ROBO2: variants seen among roughly 807,000 people sequenced by gnomAD.
ROBO2 encodes the protein roundabout homolog 2.
In ROBO2, 53 loss-of-function variants were observed where a neutral mutation model predicts 160.8. The ratio of observed to expected loss-of-function variants is 0.33; its 90% CI spans 0.26 to 0.41. The LOEUF (loss-of-function observed/expected upper bound fraction) is 0.41, where lower values mean the gene tolerates loss of function less well. ROBO2 is among the 10% of genes least tolerant of loss of function. ROBO2 has a pLI of 1.00. For synonymous variants in ROBO2, 664 were observed against 611.7 expected, an observed-to-expected ratio of 1.09 and a Z score of -1.26; for missense variants, 1,577 against 1,722.4, an observed-to-expected ratio of 0.92 and a Z score of 1.49.
chr3:76,425,015 A>G (rs6548428), intron 2 of ROBO2, among the ~76,000 whole-genome samples: 13,815 of 152,120 alleles, frequency 0.091, 1,889 homozygotes, highest in African/African-American at 0.29. Flanking sequence ...TAAATCAATA[A>G]TAACACAGCC....
intron 2 of ROBO2, among the ~76,000 whole-genome samples, chr3:76,579,224 T>C (rs570894064): frequency 2.0e-5 from 3 of 152,312 alleles, no homozygotes; most frequent in South Asian, 2.1e-4. Flanking sequence ...ATTGGCTTCT[T>C]GCTGGAACCA....
intron 2 of ROBO2, among the ~76,000 whole-genome samples, chr3:77,126,635 C>T (rs1303716318): frequency 6.6e-6 from 1 of 151,504 alleles, no homozygotes; most frequent in Non-Finnish European, 1.5e-5. Context: ...AGCATTAGTA[C>T]CCAAGGGAAC....
At chr3:75,906,954 ACT>A (rs1037718604) in exon 1 of ROBO2, 1 of 151,934 alleles carries the variant, frequency 6.6e-6, no homozygotes, top group African/African-American at 2.4e-5. Context: ...TCTAAACCTG[ACT>A]CCAGGTGAGT....
chr3:76,956,563 A>AG (rs1308155274), intron 2 of ROBO2, among the ~76,000 whole-genome samples: 2 of 151,620 alleles, frequency 1.3e-5, no homozygotes, highest in African/African-American at 2.4e-5. Flanking sequence ...TCTCAAAAAA[A>AG]AAAAAAAAGA....
intron 2 of ROBO2, among the ~76,000 whole-genome samples, chr3:77,472,303 G>T (rs1343587387): frequency 6.6e-6 from 1 of 152,098 alleles, no homozygotes; most frequent in East Asian, 1.9e-4. Flanking sequence ...CAGAACAAGG[G>T]TCTATCACAG....
intron 2 of ROBO2, among the ~76,000 whole-genome samples, chr3:76,834,062 T>TTTCCTTCCTTTCTTTCTTTCTTTC (rs368797764): frequency 6.8e-5 from 6 of 88,010 alleles, no homozygotes; most frequent in African/African-American, 2.7e-4. Context: ...CCTTTCTTTC[T>TTTCCTTCCTTTCTTTCTTTCTTTC]TTTCTTTCTT....
intron 2 of ROBO2, among the ~76,000 whole-genome samples, chr3:76,156,270 G>A (rs1339506464): frequency 6.6e-6 from 1 of 151,946 alleles, no homozygotes; most frequent in Non-Finnish European, 1.5e-5. Flanking sequence ...AAAGTAAGAG[G>A]AAGATTTCTT....
intron 2 of ROBO2, among the ~76,000 whole-genome samples, chr3:76,081,190 TA>T (rs1003489070): frequency 6.6e-6 from 1 of 152,014 alleles, no homozygotes; most frequent in Non-Finnish European, 1.5e-5. Flanking sequence ...CTATTCCATG[TA>T]CAAACTACAT....
At chr3:76,039,187 C>T (rs2067207205) in intron 2 of ROBO2, among the ~76,000 whole-genome samples, 1 of 151,920 alleles carries the variant, frequency 6.6e-6, no homozygotes, top group Non-Finnish European at 1.5e-5. Flanking sequence ...GTACAGTTTC[C>T]TGTCTTGGCT....
At chr3:75,907,463 T>G (rs1465046978) in intron 1 of ROBO2, among the ~76,000 whole-genome samples, 1 of 152,046 alleles carries the variant, frequency 6.6e-6, no homozygotes, top group Non-Finnish European at 1.5e-5. Flanking sequence ...CAGAGTAACT[T>G]CAGGTTCCTT....
intron 2 of ROBO2, among the ~76,000 whole-genome samples, chr3:76,629,385 A>C (rs577502651): frequency 6.6e-6 from 1 of 152,306 alleles, no homozygotes; most frequent in East Asian, 1.9e-4. Context: ...TCACATAATC[A>C]CAAGATGGGG....
intron 2 of ROBO2, among the ~76,000 whole-genome samples, chr3:76,261,204 A>AG (rs1559694673): frequency 1.4e-5 from 2 of 141,518 alleles, no homozygotes; most frequent in South Asian, 2.2e-4. Context: ...GTGTGTGTGT[A>AG]TATATATATA....
chr3:77,409,182 C>T (rs1313481610), intron 2 of ROBO2, among the ~76,000 whole-genome samples: 2 of 150,382 alleles, frequency 1.3e-5, no homozygotes, highest in Non-Finnish European at 3.0e-5. Context: ...GATTGCAGAA[C>T]AATTATATTG....
At chr3:76,889,188 C>G (rs569880769) in intron 2 of ROBO2, among the ~76,000 whole-genome samples, 2 of 152,296 alleles carry the variant, frequency 1.3e-5, no homozygotes, top group South Asian at 2.1e-4. Context: ...CCTAGCCAGA[C>G]TGATCACTGA....
At chr3:76,292,955 G>A (rs1253491747) in intron 2 of ROBO2, among the ~76,000 whole-genome samples, 1 of 148,256 alleles carries the variant, frequency 6.7e-6, no homozygotes, top group African/African-American at 2.6e-5. Flanking sequence ...ATGTCAGAAA[G>A]TACTAGGGTT....
chr3:76,732,995 G>C (rs1363012975), intron 2 of ROBO2, among the ~76,000 whole-genome samples: 1 of 98,852 alleles, frequency 1.0e-5, no homozygotes, highest in Non-Finnish European at 2.4e-5. Flanking sequence ...GACTGGGGGT[G>C]GGGGGGGGAG....
intron 2 of ROBO2, among the ~76,000 whole-genome samples, chr3:76,743,435 A>G (rs2093834922): frequency 6.6e-6 from 1 of 152,176 alleles, no homozygotes; most frequent in Non-Finnish European, 1.5e-5. Context: ...AAACCTGTAC[A>G]TGTACATCCT....
At chr3:77,203,746 C>T (rs558462460) in intron 2 of ROBO2, among the ~76,000 whole-genome samples, 4 of 152,222 alleles carry the variant, frequency 2.6e-5, no homozygotes, top group East Asian at 1.9e-4. Flanking sequence ...CTGAAACTGC[C>T]GCTGTTGGAA....
At chr3:76,023,912 G>A (rs1047465314) in intron 2 of ROBO2, among the ~76,000 whole-genome samples, 1 of 151,386 alleles carries the variant, frequency 6.6e-6, no homozygotes, top group Admixed American at 6.6e-5. Context: ...GAGAAAAAAA[G>A]TGGAAGAGAT....
Sources: allele counts gnomAD v4.1 joint callset (sites outside exome capture counted in the v4.1 genomes callset), GRCh38; gene constraint gnomAD v4.1.1; transcripts MANE v1.5; gene names NCBI Gene and HGNC (gene_info 2026-07-23, HGNC 2026-07-21).